KIF1A: variants seen among roughly 807,000 people sequenced by gnomAD.
KIF1A encodes kinesin-like protein KIF1A.
KIF1A carries 46 observed loss-of-function variants against 227.3 expected under a neutral mutation model. The observed-to-expected ratio is 0.20, with a 90% CI of 0.16 to 0.26. The LOEUF (loss-of-function observed/expected upper bound fraction) is 0.26. Among genes scored for constraint, KIF1A ranks in the 10% least tolerant of loss-of-function variants. The probability of loss-of-function intolerance (pLI) is 1.00; values close to 1 mark genes in which losing one functional copy is unlikely to be tolerated. For missense variants in KIF1A, 1,683 were observed against 2,485.9 expected, an observed-to-expected ratio of 0.68 and a Z score of 6.87; for synonymous variants, 1,022 against 1,012.8, an observed-to-expected ratio of 1.01 and a Z score of -0.17.
intron 1 of KIF1A, among the ~76,000 whole-genome samples, chr2:240,803,406 G>A (rs190823515): frequency 6.6e-6 from 1 of 152,340 alleles, no homozygotes; most frequent in Non-Finnish European, 1.5e-5. Flanking sequence ...GGCTTGCCTT[G>A]GGAGGGACCC....
intron 20 of KIF1A, among the ~76,000 whole-genome samples, chr2:240,763,973 C>T (rs1012454068): frequency 4.6e-5 from 7 of 152,226 alleles, no homozygotes; most frequent in African/African-American, 1.4e-4. Flanking sequence ...CCCCAGCACC[C>T]GGCTGGACCC....
At position 240,771,047 on chromosome 2, in the gene KIF1A, C is replaced by T. The variant is rs771678168; in HGVS notation, c.1265G>A (p.Arg422His). 16 of 1,613,200 alleles carry T rather than the reference C, an allele frequency of 9.9e-6. No individual in the cohort carries two copies. Among genetic ancestry groups the T allele is most frequent in the African/African-American group, 2.7e-5 (2 of 74,898 alleles). Residue 422 changes from arginine (R) to histidine (H), a missense_variant, in exon 15 of 49, where the codon CGC (arginine) becomes CAC (histidine). Coordinates refer to ENST00000498729, the MANE Select transcript of KIF1A (RefSeq NM_001244008.2). ...GTGGAGGCTGGACACGGAGGCCGCG[C>T]GGCTGGACAGGGCTGAGAGCGAGGA... ...PSSSLSALSS[R>H]AASVSSLHER...
intron 1 of KIF1A, among the ~76,000 whole-genome samples, chr2:240,798,728 C>T (rs2056678895): frequency 6.6e-6 from 1 of 152,216 alleles, no homozygotes; most frequent in African/African-American, 2.4e-5. Flanking sequence ...TGCTGCTTCC[C>T]CGTGGGACTT....
chr2:240,783,028 G>A lies in KIF1A; in HGVS notation c.864+16C>T, dbSNP rs2288750. 339,326 of 1,604,656 alleles carry A rather than the reference G, an allele frequency of 0.21. 39,854 individuals are homozygous for A. Among genetic ancestry groups the A allele is most frequent in the African/African-American group, 0.45 (33,530 of 74,758 alleles). On this transcript the variant is annotated intron_variant, in intron 9 of 48. Coordinates refer to ENST00000498729, the MANE Select transcript of KIF1A (RefSeq NM_001244008.2). ...CTCTGGGGTTCTGGCTATGGAAGCC[G>A]GGCCGGGCCACTCACCATTTCAGCC...
In KIF1A at chr2:240,725,465, C is replaced by T. The variant is rs2045903955; in HGVS notation, c.4123-61G>A. 1.9e-6 allele frequency: 3 copies of T among 1,575,796 alleles called. No homozygotes were observed. Among genetic ancestry groups the T allele is most frequent in the Admixed American group, 1.7e-5 (1 of 57,704 alleles). ...CACCCCGAGTGCCCAGGTGCCCTTC[C>T]AGCCTTCTCCTGGGGGCACAATGCC... On this transcript the variant is annotated intron_variant, in intron 39 of 48. Transcript: ENST00000498729. The surrounding 1 kb of genome is among the most constrained non-coding windows in gnomAD (Gnocchi z 5.8).
chr2:240,724,301 C>T (rs1291984078), intron 40 of KIF1A: 1 of 525,918 alleles, frequency 1.9e-6, no homozygotes. Flanking sequence ...GCAGCCTCCA[C>T]TTTGTCCCAG....
chr2:240,789,837 G>C lies in KIF1A; in HGVS notation c.107-525C>G, dbSNP rs2055439146. On this transcript the variant is annotated intron_variant, in intron 2 of 48. Coordinates refer to ENST00000498729, the MANE Select transcript of KIF1A (RefSeq NM_001244008.2). This position sits in a 1 kb window ranked among gnomAD's most constrained non-coding sequence, Gnocchi z 4.8. The stretch of plus-strand genomic sequence containing the variant: ...AGCTCTATGGGACTGTCTTCTGCCA[G>C]AGTCCCTCCTCCCCCTCCCTCCTCC... Among the ~76,000 whole-genome samples, 1 of 152,076 alleles carries C rather than the reference G, an allele frequency of 6.6e-6. No homozygotes were observed. Among genetic ancestry groups the C allele is most frequent in the Admixed American group, 6.5e-5 (1 of 15,278 alleles).
Position 240,789,297 on chromosome 2 carries a change from T to C in KIF1A, c.122A>G (p.Lys41Arg). Residue 41 changes from lysine (K) to arginine (R), a missense_variant, in exon 3 of 49, where the codon AAA (lysine) becomes AGA (arginine). Lys to Arg is a conservative substitution (Grantham distance 26). Transcript: ENST00000498729. This position sits in a 1 kb window ranked among gnomAD's most constrained non-coding sequence, Gnocchi z 4.8. ...SGSTTTIVNP[K>R]QPKETPKSFS... ...GCTTTTGGGCGTCTCCTTGGGCTGT[T>C]TGGGGTTAACAATGGCTGTGGGAGG... is the stretch of plus-strand genomic sequence containing the variant. 1.2e-6 allele frequency: 2 copies of C among 1,613,794 alleles called. No individual in the cohort carries two copies. The highest frequency in any genetic ancestry group is 8.5e-7 in the Non-Finnish European group (1 of 1,179,724).
At position 240,737,202 on chromosome 2, in the gene KIF1A, C is replaced by G. The variant is rs200828437; in HGVS notation, c.3902-34G>C. 1.9e-4 allele frequency: 298 copies of G among 1,583,782 alleles called. No homozygotes were observed. In the Middle Eastern group the frequency reaches 2.5e-3, roughly 13 times the overall value. ...AAGGCAACGGGCCACAGGTCACTTCCCAGGGGGCAGGTGGGACCCTGGGGG... is the reference window on the plus strand; with the variant it reads ...AAGGCAACGGGCCACAGGTCACTTCGCAGGGGGCAGGTGGGACCCTGGGGG... On this transcript the variant is annotated intron_variant, in intron 37 of 48. Coordinates refer to ENST00000498729, the MANE Select transcript of KIF1A (RefSeq NM_001244008.2).
chr2:240,738,563 C>T (rs1559489592), intron 37 of KIF1A, among the ~76,000 whole-genome samples: 1 of 152,148 alleles, frequency 6.6e-6, no homozygotes, highest in Non-Finnish European at 1.5e-5. Flanking sequence ...CTGCTCTGTG[C>T]CCTGAGTCCA....
At chr2:240,717,734 T>C (rs774105647) in intron 48 of KIF1A, among the ~76,000 whole-genome samples, 1 of 152,170 alleles carries the variant, frequency 6.6e-6, no homozygotes, top group African/African-American at 2.4e-5. Flanking sequence ...GATTTATCAC[T>C]CCACAAGAAG....
At position 240,740,031 on chromosome 2, in the gene KIF1A, C is replaced by T. The variant is rs761581605; in HGVS notation, c.3901+27G>A. On this transcript the variant is annotated intron_variant, in intron 37 of 48. Transcript: ENST00000498729. The surrounding 1 kb of genome is among the most constrained non-coding windows in gnomAD (Gnocchi z 6.1). ...CTTCCCACCAGCTCAGCCCCACCCACCAAGGCAGCCCCCACACCGCACTCA... is the reference window on the plus strand; with the variant it reads ...CTTCCCACCAGCTCAGCCCCACCCATCAAGGCAGCCCCCACACCGCACTCA... 1.3e-6 allele frequency: 2 copies of T among 1,554,174 alleles called. No homozygotes were observed. Among genetic ancestry groups the T allele is most frequent in the African/African-American group, 2.7e-5 (2 of 73,204 alleles).
At position 240,757,151 on chromosome 2, in the gene KIF1A, G is replaced by T. The variant is rs960953116; in HGVS notation, c.2858+168C>A. On this transcript the variant is annotated intron_variant, in intron 27 of 48. Coordinates refer to ENST00000498729, the MANE Select transcript of KIF1A (RefSeq NM_001244008.2). This position sits in a 1 kb window ranked among gnomAD's most constrained non-coding sequence, Gnocchi z 6.2. ...TGAGCAGCCCCACTGCAAGGATGCA[G>T]GGCCCGGGGGCCCTCGGGTGCTCTC... 2.0e-5 allele frequency among the ~76,000 whole-genome samples: 3 copies of T among 152,202 alleles called. No homozygotes were observed. The highest frequency in any genetic ancestry group is 4.4e-5 in the Non-Finnish European group (3 of 68,024).
At chr2:240,801,076 C>T (rs946266560) in intron 1 of KIF1A, among the ~76,000 whole-genome samples, 4 of 151,772 alleles carry the variant, frequency 2.6e-5, no homozygotes, top group African/African-American at 9.7e-5. Flanking sequence ...TGTGTGACAT[C>T]CAATCAAAAC....
intron 38 of KIF1A, among the ~76,000 whole-genome samples, chr2:240,730,908 T>C (rs2046527391): frequency 6.6e-6 from 1 of 152,160 alleles, no homozygotes; most frequent in South Asian, 2.1e-4. Flanking sequence ...AGCATGAGCC[T>C]GCTCTGTAGC....
chr2:240,795,442 G>A (rs1299354014), intron 2 of KIF1A, among the ~76,000 whole-genome samples: 1 of 152,224 alleles, frequency 6.6e-6, no homozygotes, highest in Non-Finnish European at 1.5e-5. Flanking sequence ...CCAGGCCAGA[G>A]GAGAGGGTAG....
At chr2:240,761,463 G>C in intron 23 of KIF1A, 86 bp from the exon 24 acceptor site, 1 of 1,346,394 alleles carries the variant, frequency 7.4e-7, no homozygotes, top group Non-Finnish European at 9.9e-7. Flanking sequence ...CAGGCTGGTC[G>C]GCCACTCCAT....
At chr2:240,795,578 G>C (rs930950550) in intron 2 of KIF1A, among the ~76,000 whole-genome samples, 1 of 152,214 alleles carries the variant, frequency 6.6e-6, no homozygotes, top group Admixed American at 6.5e-5. Flanking sequence ...TCACCAGCTG[G>C]GCAGTGCTGC....
intron 1 of KIF1A, among the ~76,000 whole-genome samples, chr2:240,815,843 C>G (rs10210004): frequency 6.6e-6 from 1 of 152,132 alleles, no homozygotes; most frequent in Admixed American, 6.5e-5. Flanking sequence ...AATGGGAACA[C>G]CACCACCTGG....
Sources: gnomAD v4.1 joint callset for allele counts (sites outside exome capture counted in the v4.1 genomes callset) on GRCh38, gnomAD v4.1.1 for gene constraint, Gnocchi (gnomAD v3.1) non-coding constraint, MANE v1.5 for transcripts, NCBI Gene and HGNC (gene_info 2026-07-23, HGNC 2026-07-21) for gene names.